The following PTPRG variants were observed in gnomAD, a reference collection of about 807,000 sequenced individuals.
PTPRG encodes the protein protein tyrosine phosphatase receptor type G.
In PTPRG, 102 loss-of-function variants were observed where a neutral mutation model predicts 165.3. That is an observed-to-expected ratio of 0.62 (90% confidence interval 0.53 to 0.73). PTPRG has a LOEUF of 0.73. PTPRG is among the 30% of genes least tolerant of loss of function. The pLI is 0.00. For synonymous variants in PTPRG, 675 were observed against 669.5 expected (o/e 1.01, Z -0.13); for missense variants, 1,866 against 1,861.4 (o/e 1.00, Z -0.05).
intron 7 of PTPRG, among the ~76,000 whole-genome samples, chr3:62,166,667 A>AG (rs1704998321): frequency 6.6e-6 from 1 of 151,684 alleles, no homozygotes; most frequent in Non-Finnish European, 1.5e-5. Flanking sequence ...CACAATGTTG[A>AG]GGGACACAAA....
chr3:61,668,582 A>G (rs1702875904), intron 1 of PTPRG, among the ~76,000 whole-genome samples: 1 of 152,182 alleles, frequency 6.6e-6, no homozygotes, highest in South Asian at 2.1e-4. Context: ...CCAAGAATTG[A>G]GTTTCTTTTG....
intron 2 of PTPRG, among the ~76,000 whole-genome samples, chr3:61,809,648 A>C (rs1225271637): frequency 6.6e-6 from 1 of 152,340 alleles, no homozygotes; most frequent in East Asian, 1.9e-4. Context: ...TGTACCTAGC[A>C]GGTTATCTGG....
intron 1 of PTPRG, among the ~76,000 whole-genome samples, chr3:61,699,455 C>G (rs1243158805): frequency 6.6e-6 from 1 of 152,122 alleles, no homozygotes. Context: ...GGTCTTTGGA[C>G]CACAGTTTGA....
At chr3:61,937,376 C>T (rs1346354789) in intron 2 of PTPRG, among the ~76,000 whole-genome samples, 1 of 152,146 alleles carries the variant, frequency 6.6e-6, no homozygotes, top group Admixed American at 6.5e-5. Context: ...GTGCAAGGTT[C>T]CTCGTGCTCT....
At chr3:61,575,316 C>G (rs17065034) in intron 1 of PTPRG, among the ~76,000 whole-genome samples, 2,055 of 152,038 alleles carry the variant, frequency 0.014, 51 homozygotes, top group African/African-American at 0.047. Flanking sequence ...ATCTTATATG[C>G]CTTGGAACCT....
At chr3:61,863,661 T>C (rs971547489) in intron 2 of PTPRG, among the ~76,000 whole-genome samples, 11 of 152,190 alleles carry the variant, frequency 7.2e-5, no homozygotes, top group Non-Finnish European at 1.2e-4. Context: ...CTGTGTTACC[T>C]TGGGCAATAT....
intron 2 of PTPRG, among the ~76,000 whole-genome samples, chr3:61,904,831 C>G (rs566423255): frequency 3.3e-5 from 5 of 152,004 alleles, no homozygotes; most frequent in South Asian, 2.1e-4. Flanking sequence ...AGTAATTTTA[C>G]CCTGGGTTTT....
At chr3:62,293,006 C>T (rs1029630948) in intron 29 of PTPRG, among the ~76,000 whole-genome samples, 155 bp from the exon 30 acceptor site, 1 of 151,974 alleles carries the variant, frequency 6.6e-6, no homozygotes, top group African/African-American at 2.4e-5. Flanking sequence ...ATAATAAATT[C>T]AAATGATTTT....
rs758863334 is a variant in PTPRG at position 62,078,148 on chromosome 3, T to A, written c.520-15T>A. On this transcript the variant is annotated splice_polypyrimidine_tract_variant and intron_variant, in intron 4 of 29. Coordinates refer to ENST00000474889, the MANE Select transcript of PTPRG (RefSeq NM_002841.4). Reference sequence around the variant, plus strand: ...TGAAAATTTTCCTAATACATTTTTTTAATTGTTCTTACAGATGCAGATTTT... The same window carrying A: ...TGAAAATTTTCCTAATACATTTTTTAAATTGTTCTTACAGATGCAGATTTT... The A allele has an allele frequency of 5.2e-5, 81 of 1,543,868 alleles. No individual in the cohort carries two copies. The highest frequency in any genetic ancestry group is 6.9e-5 in the Non-Finnish European group (78 of 1,127,250).
intron 1 of PTPRG, among the ~76,000 whole-genome samples, chr3:61,568,928 G>A (rs550044264): frequency 3.3e-5 from 5 of 151,356 alleles, no homozygotes; most frequent in East Asian, 3.9e-4. Context: ...AAAAAGATTC[G>A]TTTTAAGTGC....
intron 4 of PTPRG, among the ~76,000 whole-genome samples, chr3:62,059,360 C>G (rs1437769633): frequency 6.6e-6 from 1 of 152,182 alleles, no homozygotes; most frequent in Non-Finnish European, 1.5e-5. Flanking sequence ...AAAGCTTGCC[C>G]TCTGAAGACT....
chr3:61,891,887 T>G (rs1390633090), intron 2 of PTPRG, among the ~76,000 whole-genome samples: 1 of 152,170 alleles, frequency 6.6e-6, no homozygotes, highest in East Asian at 1.9e-4. Flanking sequence ...GTTTGTGTGA[T>G]TTCACTAAGT....
intron 2 of PTPRG, among the ~76,000 whole-genome samples, chr3:61,856,876 C>T (rs1271399007): frequency 2.0e-5 from 3 of 152,160 alleles, no homozygotes; most frequent in Non-Finnish European, 4.4e-5. Flanking sequence ...GGCACTGAAC[C>T]TCAGAGGGTA....
chr3:62,190,562 A>T lies in PTPRG; in HGVS notation c.1034-907A>T, dbSNP rs1006754482. ...AACCTCTCAGCCCCAAGGAATAAGA[A>T]GATGAATGAGCCTGACTTTTCCTTA... On this transcript the variant is annotated intron_variant, in intron 8 of 29. Transcript: ENST00000474889. This position sits in a 1 kb window ranked among gnomAD's most constrained non-coding sequence, Gnocchi z 5.2. 6.6e-6 allele frequency among the ~76,000 whole-genome samples: 1 copy of T among 152,160 alleles called. No individual in the cohort carries two copies. The highest frequency in any genetic ancestry group is 2.4e-5 in the African/African-American group (1 of 41,388).
intron 1 of PTPRG, among the ~76,000 whole-genome samples, chr3:61,582,942 G>A (rs1379534895): frequency 6.6e-6 from 1 of 152,198 alleles, no homozygotes; most frequent in Non-Finnish European, 1.5e-5. Context: ...AAGTGTTCAG[G>A]AGCGATAGAA....
chr3:61,697,842 A>T (rs1257055412), intron 1 of PTPRG, among the ~76,000 whole-genome samples: 17 of 152,130 alleles, frequency 1.1e-4, no homozygotes, highest in Admixed American at 1.1e-3. Flanking sequence ...TGACTCCTGT[A>T]CTTATGCCTG....
At chr3:62,152,315 T>G (rs1378623775) in intron 6 of PTPRG, among the ~76,000 whole-genome samples, 1 of 152,024 alleles carries the variant, frequency 6.6e-6, no homozygotes. Context: ...AAGGTTGCGG[T>G]GCCACCACAG....
At chr3:61,822,983 T>A (rs2035998564) in intron 2 of PTPRG, among the ~76,000 whole-genome samples, 1 of 152,228 alleles carries the variant, frequency 6.6e-6, no homozygotes, top group Admixed American at 6.5e-5. Context: ...TGAGTGTTAA[T>A]TCTCCACTCT....
At chr3:61,863,342 T>C (rs908459875) in intron 2 of PTPRG, among the ~76,000 whole-genome samples, 1 of 152,226 alleles carries the variant, frequency 6.6e-6, no homozygotes, top group African/African-American at 2.4e-5. Context: ...GGTGGGTAGG[T>C]ATATAGGCAT....
Sources: allele counts gnomAD v4.1 joint callset (sites outside exome capture counted in the v4.1 genomes callset), GRCh38; gene constraint gnomAD v4.1.1; non-coding constraint Gnocchi (gnomAD v3.1); transcripts MANE v1.5; gene names NCBI Gene and HGNC (gene_info 2026-07-23, HGNC 2026-07-21).